The following PHACTR1 variants were observed in gnomAD, a reference collection of about 807,000 sequenced individuals.
The protein encoded by PHACTR1 is phosphatase and actin regulator 1, also known as RPEL repeat containing 1.
PHACTR1 carries 16 observed loss-of-function variants against 69.2 expected under a neutral mutation model. The ratio of observed to expected loss-of-function variants is 0.23; its 90% CI spans 0.16 to 0.35. The LOEUF (loss-of-function observed/expected upper bound fraction) is 0.35. Ranked by LOEUF, PHACTR1 falls within the 10% of genes least tolerant of loss-of-function variation. The pLI is 1.00. For missense variants in PHACTR1, 510 were observed against 734.7 expected (o/e 0.69, Z 3.54); for synonymous variants, 312 against 284.5 (o/e 1.10, Z -0.97).
chr6:12,814,178 C>T (rs1025364764), intron 4 of PHACTR1, among the ~76,000 whole-genome samples: 3 of 152,226 alleles, frequency 2.0e-5, no homozygotes, highest in African/African-American at 4.8e-5. Context: ...GCCCCATGAT[C>T]TGACCTCCAG....
At chr6:13,227,642 A>G (rs537764608) in intron 8 of PHACTR1, among the ~76,000 whole-genome samples, 174 bp from the exon 9 acceptor site, 1 of 152,338 alleles carries the variant, frequency 6.6e-6, no homozygotes, top group African/African-American at 2.4e-5. Context: ...TATTCCCATC[A>G]GGACACCGTG....
chr6:13,080,297 C>T (rs1417639075), intron 5 of PHACTR1, among the ~76,000 whole-genome samples: 4 of 152,064 alleles, frequency 2.6e-5, no homozygotes, highest in African/African-American at 7.2e-5. Context: ...TTTTGTAGGA[C>T]GTGTCTATCC....
intron 4 of PHACTR1, among the ~76,000 whole-genome samples, chr6:12,986,510 G>A (rs1361207552): frequency 1.3e-5 from 2 of 152,178 alleles, no homozygotes; most frequent in African/African-American, 4.8e-5. Flanking sequence ...CCATACTAAT[G>A]CTCTTGCGTT....
intron 7 of PHACTR1, among the ~76,000 whole-genome samples, chr6:13,190,202 T>TTTTTTTTG (rs1441822019): frequency 7.3e-6 from 1 of 137,136 alleles, no homozygotes; most frequent in Non-Finnish European, 1.6e-5. Flanking sequence ...TTTTGTATTT[T>TTTTTTTTG]TTTTTTTTTT....
At chr6:13,199,404 A>C (rs1764891919) in intron 7 of PHACTR1, among the ~76,000 whole-genome samples, 2 of 151,212 alleles carry the variant, frequency 1.3e-5, no homozygotes, top group African/African-American at 2.4e-5. Context: ...AAAAAAAAAA[A>C]AAAAAAAACA....
intron 4 of PHACTR1, among the ~76,000 whole-genome samples, chr6:12,759,453 A>G (rs922987159): frequency 1.3e-5 from 2 of 151,836 alleles, no homozygotes; most frequent in African/African-American, 4.8e-5. Context: ...AAAAAAAAAA[A>G]AAATCCTACT....
intron 4 of PHACTR1, among the ~76,000 whole-genome samples, chr6:12,793,186 C>G (rs777974001): frequency 5.3e-5 from 8 of 152,176 alleles, no homozygotes; most frequent in Non-Finnish European, 1.2e-4. Context: ...ATGAGTGTTT[C>G]AGAATTAAAG....
At chr6:12,844,081 A>G (rs1235086032) in intron 4 of PHACTR1, among the ~76,000 whole-genome samples, 1 of 152,200 alleles carries the variant, frequency 6.6e-6, no homozygotes, top group African/African-American at 2.4e-5. Context: ...TTCCTCTTAC[A>G]TGAAATGAGA....
At position 13,206,062 on chromosome 6, in the gene PHACTR1, C is replaced by T. The variant is rs1319687339; in HGVS notation, c.912C>T (p.Pro304=). The T allele has an allele frequency of 3.1e-6, 5 of 1,613,706 alleles. No homozygotes were observed. In the East Asian group the frequency reaches 8.9e-5, roughly 29 times the overall value. The change falls in exon 8 of 15, where the codon CCC becomes CCT. Residue 304 remains proline, a synonymous_variant. Coordinates refer to ENST00000332995, the MANE Select transcript of PHACTR1 (RefSeq NM_030948.6). The stretch of plus-strand genomic sequence containing the variant: ...TCCCCTCCACCACCGGCTCCCTCCC[C>T]ATGCACCCCTCGGGCTGCAGAATGA... ...QHLPSTTGSL[P]MHPSGCRMID... is the part of the protein sequence containing the mutation.
chr6:12,898,818 A>G (rs1784926832), intron 4 of PHACTR1, among the ~76,000 whole-genome samples: 2 of 152,088 alleles, frequency 1.3e-5, no homozygotes, highest in African/African-American at 4.8e-5. Context: ...TCTGTAATCT[A>G]CCCGCTTGCC....
chr6:13,250,284 A>T (rs548622506), intron 10 of PHACTR1, among the ~76,000 whole-genome samples: 15 of 152,342 alleles, frequency 9.8e-5, no homozygotes, highest in Non-Finnish European at 1.6e-4. Flanking sequence ...AAATATCTCC[A>T]TTAGAGAAAG....
chr6:13,278,962 CA>C (rs11372974), intron 12 of PHACTR1, among the ~76,000 whole-genome samples: 21,894 of 134,498 alleles, frequency 0.16, 1,946 homozygotes, highest in South Asian at 0.32. Flanking sequence ...GACTCTGTCT[CA>C]AAAAAAAAAA....
intron 4 of PHACTR1, among the ~76,000 whole-genome samples, chr6:13,045,991 A>G (rs1804966699): frequency 6.6e-6 from 1 of 152,204 alleles, no homozygotes; most frequent in African/African-American, 2.4e-5. Context: ...GGACTCTGTC[A>G]TATAGGCATG....
chr6:12,834,343 G>C (rs1259962721), intron 4 of PHACTR1, among the ~76,000 whole-genome samples: 1 of 152,152 alleles, frequency 6.6e-6, no homozygotes, highest in African/African-American at 2.4e-5. Flanking sequence ...GATATGAGTA[G>C]AAATGTCTCA....
At chr6:12,989,558 C>T (rs1353165822) in intron 4 of PHACTR1, among the ~76,000 whole-genome samples, 3 of 152,196 alleles carry the variant, frequency 2.0e-5, no homozygotes, top group African/African-American at 7.2e-5. Flanking sequence ...ATATTGGTGA[C>T]TTTCTCTTAA....
intron 7 of PHACTR1, among the ~76,000 whole-genome samples, chr6:13,191,931 G>A (rs957248029): frequency 6.6e-6 from 1 of 152,154 alleles, no homozygotes; most frequent in African/African-American, 2.4e-5. Context: ...GTGCATACAA[G>A]GACTATCTGT....
At chr6:12,767,627 C>T (rs971123268) in intron 4 of PHACTR1, among the ~76,000 whole-genome samples, 2 of 152,116 alleles carry the variant, frequency 1.3e-5, no homozygotes. Context: ...CCTGTTCATA[C>T]ACCAAGAAAC....
intron 4 of PHACTR1, among the ~76,000 whole-genome samples, chr6:12,999,553 G>A (rs904528232): frequency 7.9e-5 from 12 of 152,076 alleles, no homozygotes; most frequent in African/African-American, 2.4e-4. Flanking sequence ...GAGCTGAGAC[G>A]GCGCCACTGC....
intron 10 of PHACTR1, among the ~76,000 whole-genome samples, chr6:13,241,880 A>AC: frequency 6.6e-6 from 1 of 151,856 alleles, no homozygotes; most frequent in East Asian, 1.9e-4. Context: ...AAAAAAAAAA[A>AC]AACCTAGCCA....
Sources: gnomAD v4.1 joint callset for allele counts (sites outside exome capture counted in the v4.1 genomes callset) on GRCh38, gnomAD v4.1.1 for gene constraint, MANE v1.5 for transcripts, NCBI Gene and HGNC (gene_info 2026-07-23, HGNC 2026-07-21) for gene names.